Variants in HELZ2 observed in about 807,000 individuals in gnomAD.
HELZ2 encodes the protein helicase with zinc finger 2, also known as 3'-5' exoribonuclease HELZ2.
A neutral mutation model predicts 208.8 loss-of-function variants in HELZ2; 143 were observed. The ratio of observed to expected loss-of-function variants is 0.68; its 90% CI spans 0.60 to 0.79. The LOEUF is 0.79. HELZ2 is among the 30% of genes least tolerant of loss of function. The pLI is 0.00. For synonymous variants in HELZ2, 1,705 were observed against 1,693.7 expected, an observed-to-expected ratio of 1.01 and a Z score of -0.16; for missense variants, 3,690 against 3,794.5, an observed-to-expected ratio of 0.97 and a Z score of 0.72.
rs762667930 is a variant in HELZ2, at chr20:63,564,114, G to C, written c.4708C>G (p.His1570Asp). The change falls in exon 8 of 19, where the codon CAT becomes GAT. Residue 1570 changes from histidine (H) to aspartate (D), a missense_variant. This residue lies in a region of HELZ2 where 2,564 missense variants were observed against 2,580.5 expected (regional missense o/e 0.99). Transcript: ENST00000467148. ...AGTGACAGGGGCACCCGGTCCCCAT[G>C]CTTCTCACACAGGGCCTTGAGCTGC... 1.8e-4 allele frequency: 282 copies of C among 1,610,814 alleles called. 2 individuals carry two copies. The Admixed American group carries it at 4.6e-3, about 26-fold the overall frequency.
chr20:63,572,610 G>A (rs2083026509), upstream of HELZ2: 1 of 534,706 alleles, frequency 1.9e-6, no homozygotes, highest in South Asian at 2.7e-5. Context: ...CAGATGCATG[G>A]GGGACAGCGC....
rs750388568 is a variant in HELZ2 at position 63,562,848 on chromosome 20, C to A, written c.5974G>T (p.Ala1992Ser). 3.1e-6 allele frequency: 5 copies of A among 1,609,018 alleles called. No homozygotes were observed. In the East Asian group the frequency reaches 1.1e-4, roughly 36 times the overall value. ...TCGGCACAGTTCTCCTCGAGGAAGG[C>A]GGCCTCCAGGCGGAAGGCGCCCTGC... The change falls in exon 8 of 19, where the codon GCC (alanine) becomes TCC (serine). Residue 1992 changes from alanine (A) to serine (S), a missense_variant. Transcript: ENST00000467148.
exon 8 of HELZ2, chr20:63,564,523 C>T: frequency 2.5e-6 from 4 of 1,582,630 alleles, no homozygotes; most frequent in Non-Finnish European, 3.4e-6. Flanking sequence ...TGGCCTTCTC[C>T]ATGGTGAGGA....
intron 5 of HELZ2, chr20:63,567,968 C>A (rs45454598): frequency 0.032 from 17,072 of 532,356 alleles, 449 homozygotes; most frequent in African/African-American, 0.049. Context: ...GATGGGAAGG[C>A]CCCGGCCTGG....
chr20:63,570,658 C>A (rs1425079360), intron 2 of HELZ2, 27 bp downstream of exon 3: 8 of 1,576,012 alleles, frequency 5.1e-6, no homozygotes, highest in South Asian at 1.1e-5. Context: ...CCCCACCCCA[C>A]CCCACCCACT....
Position 63,569,454 on chromosome 20 carries a change from G to A in HELZ2, c.782C>T (p.Pro261Leu), listed in dbSNP as rs775151246. ...CAGCCCCAGCTTTTGTAGCAGCACCGGCCGGCGGCCAAAGTCGAAGACCAC... is the reference window on the plus strand; with the variant it reads ...CAGCCCCAGCTTTTGTAGCAGCACCAGCCGGCGGCCAAAGTCGAAGACCAC... The change falls in exon 4 of 19, where the codon CCG (proline) becomes CTG (leucine). Residue 261 changes from proline to leucine, a missense_variant. Transcript: ENST00000467148. 30 of 1,609,632 alleles carry A rather than the reference G, an allele frequency of 1.9e-5. 1 individual carries two copies. The highest frequency in any genetic ancestry group is 2.2e-5 in the East Asian group (1 of 44,800).
At position 63,561,885 on chromosome 20, in the gene HELZ2, C is replaced by T. The variant is rs763380246; in HGVS notation, c.6629G>A (p.Arg2210Gln). ...GTACAAGATGCAGGGACCCCCCAGC[C>T]GCTTCTCCCCACGGGGGGGGCCTCC... Residue 2210 changes from arginine to glutamine, a missense_variant, in exon 11 of 19, where the codon CGG becomes CAG. This residue lies in a region of HELZ2 where 2,564 missense variants were observed against 2,580.5 expected (regional missense o/e 0.99). Transcript: ENST00000467148. 35 of 1,574,690 alleles carry T rather than the reference C, an allele frequency of 2.2e-5. No homozygotes were observed. In the South Asian group the frequency reaches 2.4e-4, roughly 11 times the overall value.
In HELZ2 at chr20:63,572,246, AC is replaced by A. The variant is rs1205342246; in HGVS notation, c.139del (p.Val47SerfsTer124). On this transcript the variant is annotated frameshift_variant, in exon 1 of 19. Transcript: ENST00000467148. LOFTEE classifies it high-confidence loss of function. ...GAAGGCCTCCTGAGAGTGGCAGGTGACCAAGCAGGCCGGGCAGTACAGCTGG... is the reference window on the plus strand; with the variant it reads ...GAAGGCCTCCTGAGAGTGGCAGGTGACAAGCAGGCCGGGCAGTACAGCTGG... 1 of 1,589,776 alleles carries A rather than the reference AC, an allele frequency of 6.3e-7. No individual in the cohort carries two copies. Among genetic ancestry groups the A allele is most frequent in the Non-Finnish European group, 8.6e-7 (1 of 1,169,350 alleles).
exon 8 of HELZ2, chr20:63,565,649 T>C: frequency 1.2e-6 from 2 of 1,610,608 alleles, no homozygotes; most frequent in Non-Finnish European, 1.7e-6. Context: ...GAAGTCAGCC[T>C]CTGCATCCTC....
In HELZ2 at chr20:63,566,358, TG is replaced by T; in HGVS notation, c.2590+19del. 1 of 1,546,000 alleles carries T rather than the reference TG, an allele frequency of 6.5e-7. No homozygotes were observed. Among genetic ancestry groups the T allele is most frequent in the Non-Finnish European group, 8.7e-7 (1 of 1,145,000 alleles). On this transcript the variant is annotated intron_variant, in intron 7 of 18. Coordinates refer to ENST00000467148, the Ensembl canonical transcript of HELZ2. ...GTATCCTGGGGCAGCTGGCAGCACC[TG>T]GCCCCGCTGGTCACCCACCTGGCAG...
rs931354587 is a variant in HELZ2 at position 63,569,671 on chromosome 20, G to A, written c.571-6C>T. 8.6e-6 allele frequency: 13 copies of A among 1,515,934 alleles called. No individual in the cohort carries two copies. The highest frequency in any genetic ancestry group is 1.4e-5 in the African/African-American group (1 of 72,028). The allele number at this position is 1,515,934 out of a possible 1,614,324, so 93.9% of individuals were successfully genotyped here. A position where few individuals can be genotyped will look rare whatever the true frequency, so the allele number is the denominator to read the frequency against. On this transcript the variant is annotated splice_region_variant and splice_polypyrimidine_tract_variant and intron_variant, in intron 3 of 18. Transcript: ENST00000467148. Reference sequence around the variant, plus strand: ...GCCACGTGTAGCAGGGGCTCCTGGAGAGGAGGCCAGACGGTGAGGGGGGCC... The same window carrying A: ...GCCACGTGTAGCAGGGGCTCCTGGAAAGGAGGCCAGACGGTGAGGGGGGCC...
exon 8 of HELZ2, chr20:63,563,741 C>A: frequency 6.3e-7 from 1 of 1,599,902 alleles, no homozygotes. Flanking sequence ...GGCAGAGCCC[C>A]CATGGCCCAG....
At chr20:63,568,683 C>T (rs1569036800) in exon 5 of HELZ2, 1 of 1,605,968 alleles carries the variant, frequency 6.2e-7, no homozygotes, top group East Asian at 2.2e-5. Context: ...TGGAACTGCA[C>T]CTCCAGGACC....
intron 1 of HELZ2, 44 bp from the exon 3 acceptor site, chr20:63,570,912 G>A (rs762419517): frequency 2.4e-5 from 36 of 1,496,968 alleles, no homozygotes; most frequent in Middle Eastern, 2.3e-4. Context: ...AGGCACAGCC[G>A]CCGTGCTGAG....
chr20:63,561,891 T>C lies in HELZ2; in HGVS notation c.6623A>G (p.Glu2208Gly), dbSNP rs972998365. The change falls in exon 11 of 19, where the codon GAG becomes GGG. Residue 2208 changes from glutamate (E) to glycine (G), a missense_variant. This residue lies in a region of HELZ2 where 2,564 missense variants were observed against 2,580.5 expected (regional missense o/e 0.99). Transcript: ENST00000467148. ...GATGCAGGGACCCCCCAGCCGCTTCTCCCCACGGGGGGGGCCTCCGGGCTG... is the reference window on the plus strand; with the variant it reads ...GATGCAGGGACCCCCCAGCCGCTTCCCCCCACGGGGGGGGCCTCCGGGCTG... The C allele has an allele frequency of 3.2e-6, 5 of 1,577,286 alleles. No homozygotes were observed. The South Asian group carries it at 5.7e-5, about 18-fold the overall frequency.
At position 63,564,279 on chromosome 20, in the gene HELZ2, T is replaced by C. The variant is rs956544721; in HGVS notation, c.4543A>G (p.Thr1515Ala). 4 of 1,610,110 alleles carry C rather than the reference T, an allele frequency of 2.5e-6. No homozygotes were observed. The African/African-American group carries it at 5.3e-5, about 22-fold the overall frequency. ...ATGTGGGCCGCGCGGAAGCCCAGGG[T>C]GCCGTCCTCGTCCGGCTGCTCATAG... Residue 1515 changes from threonine to alanine, a missense_variant, in exon 8 of 19, where the codon ACC becomes GCC. Transcript: ENST00000467148.
chr20:63,559,628 AGTCAGGTGGGAGGAGTCAGG>A (rs2082860161), intron 18 of HELZ2, among the ~76,000 whole-genome samples: 1 of 51,670 alleles, frequency 1.9e-5, no homozygotes. Context: ...AGTCAGTCAG[AGTCAGGTGGGAGGAGTCAGG>A]GTCAGGTGGG....
In HELZ2 at chr20:63,563,069, C is replaced by T. The variant is rs775624299; in HGVS notation, c.5753G>A (p.Arg1918Gln). 3.4e-5 allele frequency: 54 copies of T among 1,598,404 alleles called. No individual in the cohort carries two copies. The highest frequency in any genetic ancestry group is 3.4e-5 in the Admixed American group (2 of 58,710). ...ACGGCCTGAGAAGCAGTCTCCGGGC[C>T]GCTCCACGTGCTCCAGGCAGAGGCT... The change falls in exon 8 of 19, where the codon CGG (arginine) becomes CAG (glutamine). Residue 1918 changes from arginine (R) to glutamine (Q), a missense_variant. Coordinates refer to ENST00000467148, the Ensembl canonical transcript of HELZ2.
chr20:63,561,793 C>T, intron 11 of HELZ2, 30 bp downstream of exon 12: 1 of 1,555,372 alleles, frequency 6.4e-7, no homozygotes, highest in African/African-American at 1.4e-5. Flanking sequence ...GCCAGCTCCC[C>T]AAAGGCCCCC....
Sources: allele counts gnomAD v4.1 joint callset (sites outside exome capture counted in the v4.1 genomes callset), GRCh38; gene constraint gnomAD v4.1.1; regional missense constraint gnomAD v4.1.1; transcripts MANE v1.5; gene names NCBI Gene and HGNC (gene_info 2026-07-23, HGNC 2026-07-21).